Variants in MACROH2A1 observed in about 807,000 individuals in gnomAD.
MACROH2A1 encodes core histone macro-H2A.1.
In MACROH2A1, 2 loss-of-function variants were observed where a neutral mutation model predicts 31.6. The observed-to-expected ratio is 0.06, with a 90% CI of 0.03 to 0.20. The LOEUF (loss-of-function observed/expected upper bound fraction) is 0.20. Among genes scored for constraint, MACROH2A1 ranks in the 10% least tolerant of loss-of-function variants. MACROH2A1 has a pLI of 1.00. For missense variants in MACROH2A1, 230 were observed against 474.0 expected, an observed-to-expected ratio of 0.49 and a Z score of 4.78; for synonymous variants, 169 against 189.6, an observed-to-expected ratio of 0.89 and a Z score of 0.89.
Position 135,366,171 on chromosome 5 carries a change from T to C in MACROH2A1, c.477+3235A>G, listed in dbSNP as rs572995211. Among the ~76,000 whole-genome samples, 5 of 152,366 alleles carry C rather than the reference T, an allele frequency of 3.3e-5. No individual in the cohort carries two copies. In the East Asian group the frequency reaches 7.7e-4, roughly 23 times the overall value. ...AGGCTTTCCCAGCCATGTGGAACTG[T>C]GACTCAATTAAACTGCTTTTCTTTA... On this transcript the variant is annotated intron_variant, in intron 4 of 8. Transcript: ENST00000511689.
At chr5:135,375,370 G>A (rs1321225086) in intron 2 of MACROH2A1, among the ~76,000 whole-genome samples, 1 of 152,216 alleles carries the variant, frequency 6.6e-6, no homozygotes, top group Non-Finnish European at 1.5e-5. Context: ...GCATGGTTTG[G>A]CAGCCTTTTT....
intron 2 of MACROH2A1, among the ~76,000 whole-genome samples, chr5:135,388,411 A>C (rs1279295100): frequency 6.6e-6 from 1 of 152,240 alleles, no homozygotes; most frequent in Non-Finnish European, 1.5e-5. Flanking sequence ...GAAAATGCTC[A>C]TCCTGAATCT....
At chr5:135,340,650 GAGAGTGATCCTTT>G (rs1179869268) in intron 8 of MACROH2A1, among the ~76,000 whole-genome samples, 3 of 152,254 alleles carry the variant, frequency 2.0e-5, no homozygotes, top group Non-Finnish European at 4.4e-5. Context: ...CCTCAGCTAA[GAGAGTGATCCTTT>G]ACCAATGGCT....
Position 135,369,457 on chromosome 5 carries a change from C to T in MACROH2A1, c.426G>A (p.Lys142=), listed in dbSNP as rs1313212258. 1 of 1,614,236 alleles carries T rather than the reference C, an allele frequency of 6.2e-7. No individual in the cohort carries two copies. Among genetic ancestry groups the T allele is most frequent in the Admixed American group, 1.7e-5 (1 of 60,030 alleles). The change falls in exon 4 of 9, where the codon AAG becomes AAA. Residue 142 remains lysine, a synonymous_variant. Coordinates refer to ENST00000511689, the MANE Select transcript of MACROH2A1 (RefSeq NM_138610.3). This position sits in a 1 kb window ranked among gnomAD's most constrained non-coding sequence, Gnocchi z 4.3. ...PAKKAKSPSQ[K]KPVSKKAGGK... ...CTCCTGCTTTTTTAGATACAGGCTT[C>T]TTCTGGGATGGAGACTTGGCCTTTT...
intron 4 of MACROH2A1, 40 bp from the exon 5 acceptor site, chr5:135,360,647 C>T (rs1184351340): frequency 7.3e-7 from 1 of 1,378,280 alleles, no homozygotes. Context: ...GCCACACAGA[C>T]ACAGGCATCC....
Position 135,334,836 on chromosome 5 carries a change from A to G in MACROH2A1, c.*140T>C. The stretch of plus-strand genomic sequence containing the variant: ...GAAGGTCAAAAACAATTAAACTGGA[A>G]ACCAAAGCCTTATTTTCCCTAGATG... On this transcript the variant is annotated 3_prime_UTR_variant, in exon 9 of 9. Coordinates refer to ENST00000511689, the MANE Select transcript of MACROH2A1 (RefSeq NM_138610.3). The G allele has an allele frequency of 1.4e-6, 1 of 715,426 alleles. No individual in the cohort carries two copies. The highest frequency in any genetic ancestry group is 2.4e-6 in the Non-Finnish European group (1 of 414,364). The allele number at this position is 715,426 out of a possible 1,614,324, so 44.3% of individuals were successfully genotyped here. A position where few individuals can be genotyped will look rare whatever the true frequency, so the allele number is the denominator to read the frequency against.
chr5:135,349,098 C>A (rs984626538), intron 6 of MACROH2A1, among the ~76,000 whole-genome samples: 1 of 152,184 alleles, frequency 6.6e-6, no homozygotes, highest in Non-Finnish European at 1.5e-5. Context: ...GCTAATCCTG[C>A]TGGGCACGGC....
chr5:135,345,034 G>C (rs1414550286), intron 7 of MACROH2A1: 1 of 152,264 alleles, frequency 6.6e-6, no homozygotes. Flanking sequence ...GCCTTCCCTT[G>C]TACAATGTGG....
At chr5:135,344,328 A>G (rs1393461048) in intron 7 of MACROH2A1, 1 of 152,246 alleles carries the variant, frequency 6.6e-6, no homozygotes, top group Non-Finnish European at 1.5e-5. Context: ...CCACTGCTAA[A>G]GTAAAACATC....
At chr5:135,347,403 G>A (rs1234114211) in intron 6 of MACROH2A1, 2 of 152,264 alleles carry the variant, frequency 1.3e-5, no homozygotes, top group Non-Finnish European at 2.9e-5. Context: ...CATAGCCCAG[G>A]GGAGCTCTCA....
At chr5:135,342,770 G>A (rs115899831) in intron 8 of MACROH2A1, among the ~76,000 whole-genome samples, 2,331 of 152,310 alleles carry the variant, frequency 0.015, 33 homozygotes, top group Non-Finnish European at 0.025. Context: ...GAGTCAGGTA[G>A]AGATGCAGGT....
chr5:135,337,038 G>C (rs906037865), intron 8 of MACROH2A1, among the ~76,000 whole-genome samples: 22 of 152,222 alleles, frequency 1.4e-4, no homozygotes, highest in Admixed American at 1.3e-3. Flanking sequence ...AGGGTGCTGA[G>C]AGGAGCTGTG....
chr5:135,373,098 G>A (rs1451177988), intron 2 of MACROH2A1, among the ~76,000 whole-genome samples: 2 of 152,180 alleles, frequency 1.3e-5, no homozygotes, highest in Non-Finnish European at 2.9e-5. Flanking sequence ...CAAGAAAATC[G>A]TTTGAAGGTA....
intron 7 of MACROH2A1, chr5:135,343,646 C>T: frequency 1.5e-6 from 1 of 686,352 alleles, no homozygotes; most frequent in Non-Finnish European, 2.4e-6. Context: ...TATGATGTGT[C>T]ACCACCAGGA....
rs751159474 is a variant in MACROH2A1, at chr5:135,346,021, A to G, written c.725T>C (p.Val242Ala). Residue 242 changes from valine to alanine, a missense_variant, in exon 7 of 9, where the codon GTG becomes GCG. This residue lies in a region of MACROH2A1 where 183 missense variants were observed against 319.3 expected (regional missense o/e 0.57). Coordinates refer to ENST00000511689, the MANE Select transcript of MACROH2A1 (RefSeq NM_138610.3). ...TLEKKGGKEF[V>A]EAVLELRKKN... Reference sequence around the variant, plus strand: ...TTTCCGGAGTTCCAGGACAGCTTCCACAAACTCCTTGCCACCTTTCTTCTC... The same window carrying G: ...TTTCCGGAGTTCCAGGACAGCTTCCGCAAACTCCTTGCCACCTTTCTTCTC... 1 of 1,614,054 alleles carries G rather than the reference A, an allele frequency of 6.2e-7. No individual in the cohort carries two copies. The highest frequency in any genetic ancestry group is 1.1e-5 in the South Asian group (1 of 91,076).
chr5:135,359,312 AAT>A, intron 5 of MACROH2A1: 2 of 985,360 alleles, frequency 2.0e-6, no homozygotes, highest in East Asian at 1.1e-4. Context: ...TTACCCAAGG[AAT>A]ATGTTACAGG....
intron 4 of MACROH2A1, among the ~76,000 whole-genome samples, chr5:135,368,470 CA>C (rs2149838205): frequency 6.6e-6 from 1 of 152,348 alleles, no homozygotes; most frequent in East Asian, 1.9e-4. Flanking sequence ...GAGGGTCTTG[CA>C]AAATACAGAG....
At chr5:135,347,376 T>C (rs1760979801) in intron 6 of MACROH2A1, 1 of 152,220 alleles carries the variant, frequency 6.6e-6, no homozygotes, top group Non-Finnish European at 1.5e-5. Flanking sequence ...GGTGTGCAGA[T>C]GAACATGACC....
At chr5:135,346,110 C>T in intron 6 of MACROH2A1, 53 bp from the exon 7 acceptor site, 1 of 1,029,622 alleles carries the variant, frequency 9.7e-7, no homozygotes, top group South Asian at 1.3e-5. Flanking sequence ...CCGGCACACA[C>T]AGACACTTAG....
Sources: gnomAD v4.1 joint callset for allele counts (sites outside exome capture counted in the v4.1 genomes callset) on GRCh38, gnomAD v4.1.1 for gene constraint, gnomAD v4.1.1 regional missense constraint, Gnocchi (gnomAD v3.1) non-coding constraint, MANE v1.5 for transcripts, NCBI Gene and HGNC (gene_info 2026-07-23, HGNC 2026-07-21) for gene names.